HDAC9: variants seen among roughly 807,000 people sequenced by gnomAD.
HDAC9 encodes the protein histone deacetylase 9.
A neutral mutation model predicts 139.4 loss-of-function variants in HDAC9; 41 were observed. The observed-to-expected ratio is 0.29, with a 90% CI of 0.23 to 0.38. The LOEUF is 0.38. HDAC9 is among the 10% of genes least tolerant of loss of function. HDAC9 has a pLI of 1.00. For missense variants in HDAC9, 1,147 were observed against 1,297.0 expected, an observed-to-expected ratio of 0.88 and a Z score of 1.78; for synonymous variants, 517 against 476.2, an observed-to-expected ratio of 1.09 and a Z score of -1.12.
At chr7:18,671,267 T>C (rs898799906) in intron 12 of HDAC9, among the ~76,000 whole-genome samples, 1 of 152,002 alleles carries the variant, frequency 6.6e-6, no homozygotes, top group Admixed American at 6.6e-5. Flanking sequence ...TCCTAAGTGG[T>C]ATTCTAATAG....
At chr7:18,858,870 ACTTCC>A (rs1797883575) in intron 21 of HDAC9, among the ~76,000 whole-genome samples, 1 of 152,118 alleles carries the variant, frequency 6.6e-6, no homozygotes, top group Non-Finnish European at 1.5e-5. Flanking sequence ...TGGCATACCT[ACTTCC>A]CTTCTAACTC....
intron 1 of HDAC9, among the ~76,000 whole-genome samples, chr7:18,407,010 T>C (rs1318881212): frequency 6.6e-6 from 1 of 152,182 alleles, no homozygotes; most frequent in Non-Finnish European, 1.5e-5. Context: ...AAACAATATG[T>C]CTATAAGCAA....
chr7:18,238,259 T>C (rs1217362507), intron 2 of HDAC9, among the ~76,000 whole-genome samples: 2 of 152,220 alleles, frequency 1.3e-5, no homozygotes, highest in African/African-American at 2.4e-5. Flanking sequence ...ATTTTATCAA[T>C]GACCAAAACC....
chr7:18,999,791 TTTC>T lies in HDAC9; in HGVS notation c.*3732_*3734del, dbSNP rs1426619809. ...ATGTTTAGAAGAATTAATTTAAATATTTCTTACTATTTCTCTGTCGAATGTTTA... is the reference window on the plus strand; with the variant it reads ...ATGTTTAGAAGAATTAATTTAAATATTTACTATTTCTCTGTCGAATGTTTA... On this transcript the variant is annotated 3_prime_UTR_variant, in exon 26 of 26. Transcript: ENST00000686413. The T allele has an allele frequency of 6.6e-6, 1 of 152,202 alleles. No homozygotes were observed. The highest frequency in any genetic ancestry group is 2.4e-5 in the African/African-American group (1 of 41,466). The allele number at this position is 152,202 out of a possible 1,614,324, so 9.4% of individuals were successfully genotyped here.
At chr7:18,678,253 T>C (rs1236753109) in intron 12 of HDAC9, among the ~76,000 whole-genome samples, 2 of 151,890 alleles carry the variant, frequency 1.3e-5, no homozygotes, top group Non-Finnish European at 2.9e-5. Flanking sequence ...GTTTGTAAGA[T>C]TTTTTGGTTA....
At chr7:18,212,737 T>C (rs1159902851) in intron 2 of HDAC9, among the ~76,000 whole-genome samples, 4 of 152,314 alleles carry the variant, frequency 2.6e-5, no homozygotes, top group Non-Finnish European at 1.5e-5. Flanking sequence ...GTTCCAAAGA[T>C]TAGGTTTCAG....
intron 1 of HDAC9, among the ~76,000 whole-genome samples, chr7:18,088,217 G>A (rs1315186236): frequency 6.6e-6 from 1 of 152,190 alleles, no homozygotes; most frequent in Non-Finnish European, 1.5e-5. Context: ...GTATGTGTGT[G>A]TGTAAAATAT....
chr7:18,531,662 G>T (rs1454422632), intron 2 of HDAC9, among the ~76,000 whole-genome samples: 1 of 151,698 alleles, frequency 6.6e-6, no homozygotes, highest in Non-Finnish European at 1.5e-5. Context: ...AAATGGAAAG[G>T]AAAAAATCCT....
intron 2 of HDAC9, among the ~76,000 whole-genome samples, chr7:18,170,493 G>A (rs552225153): frequency 3.3e-5 from 5 of 152,200 alleles, no homozygotes; most frequent in African/African-American, 1.2e-4. Flanking sequence ...GTTGCTTTCG[G>A]TGTTTTAGTC....
At chr7:18,309,083 C>T (rs1799123155) in intron 1 of HDAC9, among the ~76,000 whole-genome samples, 1 of 152,130 alleles carries the variant, frequency 6.6e-6, no homozygotes, top group Non-Finnish European at 1.5e-5. Context: ...CATTTCAATG[C>T]ATAATTGTGA....
At chr7:18,829,657 G>A (rs1795716412) in intron 19 of HDAC9, 109 bp downstream of exon 19, 1 of 676,034 alleles carries the variant, frequency 1.5e-6, no homozygotes, top group African/African-American at 1.8e-5. Context: ...AACAACTGAA[G>A]GGTGTGTTTT....
At chr7:18,817,911 C>A (rs1794691709) in intron 17 of HDAC9, among the ~76,000 whole-genome samples, 1 of 152,058 alleles carries the variant, frequency 6.6e-6, no homozygotes, top group African/African-American at 2.4e-5. Flanking sequence ...AGTCATTCTT[C>A]TTAAAAAATA....
chr7:18,097,333 T>C (rs1238918547), intron 1 of HDAC9, among the ~76,000 whole-genome samples: 1 of 152,180 alleles, frequency 6.6e-6, no homozygotes, highest in Non-Finnish European at 1.5e-5. Context: ...ACTTCATTCT[T>C]TCCTAAATGA....
At position 18,645,801 on chromosome 7, in the gene HDAC9, A is replaced by T. The variant is rs113028336; in HGVS notation, c.1035+1008A>T. ...GCCAATCTTTACCTTCAAGTCTTCC[A>T]CTGAGTTGAATGTGTCAAGTTCACT... On this transcript the variant is annotated intron_variant, in intron 9 of 25. Transcript: ENST00000686413. Among the ~76,000 whole-genome samples, 1,489 of 152,288 alleles carry T rather than the reference A, an allele frequency of 9.8e-3. 21 individuals carry two copies. Among genetic ancestry groups the T allele is most frequent in the African/African-American group, 0.034 (1,423 of 41,584 alleles).
rs1334503289 is a variant in HDAC9 at position 18,996,003 on chromosome 7, TTGCC to T, written c.3171-17_3171-14del. The T allele has an allele frequency of 3.2e-6, 5 of 1,585,350 alleles. No individual in the cohort carries two copies. The highest frequency in any genetic ancestry group is 3.4e-6 in the Non-Finnish European group (4 of 1,163,860). Reference sequence around the variant, plus strand: ...TGTGTACTCTTATGCCGTATTCTGATTGCCTGTTTATTTTTACAGAACTGCTGGT... The same window carrying T: ...TGTGTACTCTTATGCCGTATTCTGATTGTTTATTTTTACAGAACTGCTGGT... On this transcript the variant is annotated splice_polypyrimidine_tract_variant and intron_variant, in intron 25 of 25. Transcript: ENST00000686413.
intron 2 of HDAC9, among the ~76,000 whole-genome samples, chr7:18,505,004 TAGGCA>T (rs923271104): frequency 1.3e-5 from 2 of 152,172 alleles, no homozygotes; most frequent in African/African-American, 2.4e-5. Flanking sequence ...AAGGCACAAA[TAGGCA>T]AGCATGTTGA....
chr7:18,850,040 T>C (rs182111079), intron 21 of HDAC9, among the ~76,000 whole-genome samples: 2 of 149,636 alleles, frequency 1.3e-5, no homozygotes, highest in African/African-American at 4.9e-5. Context: ...TTCATTTTAC[T>C]GTATCTGTAA....
chr7:18,893,772 A>G (rs866418342), intron 22 of HDAC9, among the ~76,000 whole-genome samples: 1 of 152,156 alleles, frequency 6.6e-6, no homozygotes, highest in African/African-American at 2.4e-5. Flanking sequence ...TGCTGGGACA[A>G]GGGAGGTTTG....
chr7:18,189,332 G>A (rs1237930953), intron 2 of HDAC9, among the ~76,000 whole-genome samples: 1 of 151,858 alleles, frequency 6.6e-6, no homozygotes, highest in Admixed American at 6.6e-5. Context: ...ACACACTCCA[G>A]GGCCTGTTGA....
Sources: allele counts gnomAD v4.1 joint callset (sites outside exome capture counted in the v4.1 genomes callset), GRCh38; gene constraint gnomAD v4.1.1; transcripts MANE v1.5; gene names NCBI Gene and HGNC (gene_info 2026-07-23, HGNC 2026-07-21).